TRIM71: variants seen among roughly 807,000 people sequenced by gnomAD.
The protein encoded by TRIM71 is E3 ubiquitin-protein ligase TRIM71.
In TRIM71, 9 loss-of-function variants were observed where a neutral mutation model predicts 61.2. The ratio of observed to expected loss-of-function variants is 0.15; its 90% CI spans 0.09 to 0.26. TRIM71 has a LOEUF of 0.26. TRIM71 is among the 10% of genes least tolerant of loss of function. The probability of loss-of-function intolerance (pLI) is 1.00; values close to 1 mark genes in which losing one functional copy is unlikely to be tolerated. For synonymous variants in TRIM71, 645 were observed against 553.2 expected (o/e 1.17, Z -2.33); for missense variants, 998 against 1,238.7 (o/e 0.81, Z 2.92).
chr3:32,880,006 G>T (rs778073808), intron 2 of TRIM71, among the ~76,000 whole-genome samples: 1 of 151,848 alleles, frequency 6.6e-6, no homozygotes, highest in Non-Finnish European at 1.5e-5. Flanking sequence ...TTTTATCTAT[G>T]AAGTGCAATA....
At chr3:32,866,339 C>G (rs1321454962) in intron 1 of TRIM71, among the ~76,000 whole-genome samples, 2 of 151,838 alleles carry the variant, frequency 1.3e-5, no homozygotes, top group Non-Finnish European at 2.9e-5. Flanking sequence ...ATCTCTGCCC[C>G]CTGGGTTCAA....
chr3:32,863,713 C>T (rs1031479130), intron 1 of TRIM71, among the ~76,000 whole-genome samples: 5 of 151,994 alleles, frequency 3.3e-5, no homozygotes, highest in African/African-American at 1.2e-4. Flanking sequence ...GACGGAGTCT[C>T]CTCTGTCACC....
intron 1 of TRIM71, among the ~76,000 whole-genome samples, chr3:32,860,616 T>C (rs1484972358): frequency 6.6e-6 from 1 of 152,182 alleles, no homozygotes; most frequent in Non-Finnish European, 1.5e-5. Context: ...TTGGAGTTTC[T>C]CTTGGGGAGG....
In TRIM71 at chr3:32,831,844, T is replaced by G. The variant is rs538059173; in HGVS notation, c.852+12912T>G. 2.6e-5 allele frequency among the ~76,000 whole-genome samples: 4 copies of G among 152,316 alleles called. No individual in the cohort carries two copies. The East Asian group carries it at 7.7e-4, about 29-fold the overall frequency. On this transcript the variant is annotated intron_variant, in intron 1 of 3. Transcript: ENST00000383763. ...TGAGCCATTGCACCCGGCTGTTATC[T>G]TCCTTAAAAGATATATTTTGGTTGA...
At chr3:32,820,893 T>C (rs1696119595) in intron 1 of TRIM71, among the ~76,000 whole-genome samples, 1 of 152,206 alleles carries the variant, frequency 6.6e-6, no homozygotes, top group Non-Finnish European at 1.5e-5. Context: ...TAAAATTTGC[T>C]CAGTTTTGAG....
chr3:32,853,118 CT>C (rs1696557375), intron 1 of TRIM71, among the ~76,000 whole-genome samples: 1 of 110,952 alleles, frequency 9.0e-6, no homozygotes, highest in Admixed American at 9.7e-5. Context: ...CTCTCTCTCT[CT>C]CTTTTTTTTT....
intron 1 of TRIM71, among the ~76,000 whole-genome samples, chr3:32,843,254 G>A (rs35353451): frequency 0.25 from 37,251 of 152,026 alleles, 5,099 homozygotes; most frequent in Middle Eastern, 0.33. Context: ...ATGGTAGCAG[G>A]GGGTGGGAGA....
At chr3:32,870,940 G>A (rs1344597613) in intron 1 of TRIM71, among the ~76,000 whole-genome samples, 1 of 151,098 alleles carries the variant, frequency 6.6e-6, no homozygotes, top group Non-Finnish European at 1.5e-5. Context: ...AGGCTCCTGA[G>A]TACAAGCGTG....
chr3:32,867,543 C>G (rs1200905740), intron 1 of TRIM71, among the ~76,000 whole-genome samples: 1 of 152,046 alleles, frequency 6.6e-6, no homozygotes, highest in Non-Finnish European at 1.5e-5. Context: ...GCCTTCATCT[C>G]CTGTGCTCAA....
At chr3:32,888,488 G>A (rs548895947) in intron 3 of TRIM71, among the ~76,000 whole-genome samples, 3 of 140,272 alleles carry the variant, frequency 2.1e-5, no homozygotes, top group African/African-American at 7.9e-5. Flanking sequence ...CCCTGTGGTG[G>A]TGGTCTCCTT....
At chr3:32,878,680 A>G (rs952583767) in intron 2 of TRIM71, among the ~76,000 whole-genome samples, 3 of 152,254 alleles carry the variant, frequency 2.0e-5, no homozygotes, top group Non-Finnish European at 2.9e-5. Context: ...ACAAACAGAC[A>G]TGCTGTCATC....
intron 2 of TRIM71, among the ~76,000 whole-genome samples, chr3:32,884,892 C>T (rs1361833166): frequency 6.6e-6 from 1 of 152,192 alleles, no homozygotes; most frequent in Non-Finnish European, 1.5e-5. Context: ...ATGCATTTCC[C>T]TCACATCTAC....
In TRIM71 at chr3:32,868,092, C is replaced by T. The variant is rs77759605; in HGVS notation, c.853-5726C>T. ...CCTTGGACTGCTCCTCTTGTAGGCC[C>T]CTTTTCAATGTTGGCACCCATCAAA... On this transcript the variant is annotated intron_variant, in intron 1 of 3. Transcript: ENST00000383763. Among the ~76,000 whole-genome samples the T allele has an allele frequency of 2.7e-3, 415 of 152,200 alleles. 3 individuals carry two copies. The highest frequency in any genetic ancestry group is 9.4e-3 in the African/African-American group (389 of 41,532).
At chr3:32,842,842 G>GGT (rs1263009763) in intron 1 of TRIM71, among the ~76,000 whole-genome samples, 1 of 152,096 alleles carries the variant, frequency 6.6e-6, no homozygotes, top group African/African-American at 2.4e-5. Flanking sequence ...GAGAGGAAGT[G>GGT]GTTAATCCCC....
chr3:32,827,870 A>G (rs1266445857), intron 1 of TRIM71, among the ~76,000 whole-genome samples: 14 of 152,058 alleles, frequency 9.2e-5, no homozygotes, highest in Non-Finnish European at 2.1e-4. Context: ...TTGGCCAGCC[A>G]TTTTCTTCTC....
chr3:32,825,061 G>GC (rs1055687060), intron 1 of TRIM71, among the ~76,000 whole-genome samples: 1 of 152,174 alleles, frequency 6.6e-6, no homozygotes, highest in African/African-American at 2.4e-5. Context: ...CTCCCAAAGT[G>GC]CTGGGATTCA....
intron 1 of TRIM71, among the ~76,000 whole-genome samples, chr3:32,823,384 T>C (rs1220640970): frequency 6.6e-6 from 1 of 152,196 alleles, no homozygotes; most frequent in East Asian, 1.9e-4. Flanking sequence ...GTGCTAGTAG[T>C]ATGGAGGCTG....
rs1257682849 is a variant in TRIM71 at position 32,897,453 on chromosome 3, G to A, written c.*5642G>A. ...CCCATCAATGCAGTAGATGGGTGGG[G>A]AAATGAAGATTTCCCCCCAAACCTT... On this transcript the variant is annotated 3_prime_UTR_variant, in exon 4 of 4. Transcript: ENST00000383763. 2 of 152,160 alleles carry A rather than the reference G, an allele frequency of 1.3e-5. No homozygotes were observed. Among genetic ancestry groups the A allele is most frequent in the Admixed American group, 6.5e-5 (1 of 15,280 alleles). The allele number at this position is 152,160 out of a possible 1,614,324, so 9.4% of individuals were successfully genotyped here.
At chr3:32,878,825 G>GAGTCA (rs1448637464) in intron 2 of TRIM71, among the ~76,000 whole-genome samples, 6 of 152,170 alleles carry the variant, frequency 3.9e-5, no homozygotes, top group African/African-American at 1.2e-4. Flanking sequence ...CCTACCAAGA[G>GAGTCA]AGTCAGCCCG....
Sources: allele counts gnomAD v4.1 joint callset (sites outside exome capture counted in the v4.1 genomes callset), GRCh38; gene constraint gnomAD v4.1.1; transcripts MANE v1.5; gene names NCBI Gene and HGNC (gene_info 2026-07-23, HGNC 2026-07-21).